Variants in AGMO observed in about 807,000 individuals in gnomAD.
AGMO encodes alkylglycerol monooxygenase.
A neutral mutation model predicts 60.2 loss-of-function variants in AGMO; 75 were observed. That is an observed-to-expected ratio of 1.25 (90% confidence interval 1.03 to 1.51). The LOEUF is 1.51. Ranked by LOEUF, AGMO falls within the 40% of genes most tolerant of loss-of-function variation. The probability of loss-of-function intolerance (pLI) is 0.00; values close to 1 mark genes in which losing one functional copy is unlikely to be tolerated. For synonymous variants in AGMO, 261 were observed against 177.1 expected, an observed-to-expected ratio of 1.47 and a Z score of -3.76; for missense variants, 763 against 525.5, an observed-to-expected ratio of 1.45 and a Z score of -4.42.
At chr7:15,444,027 A>G (rs1781634393) in intron 3 of AGMO, among the ~76,000 whole-genome samples, 1 of 152,344 alleles carries the variant, frequency 6.6e-6, no homozygotes, top group East Asian at 1.9e-4. Context: ...GACAGTATTA[A>G]CATTACTAAT....
intron 12 of AGMO, among the ~76,000 whole-genome samples, chr7:15,308,420 A>T (rs992506188): frequency 6.6e-6 from 1 of 151,960 alleles, no homozygotes; most frequent in Non-Finnish European, 1.5e-5. Context: ...CCAATGTCAG[A>T]TTTCACCTCT....
intron 5 of AGMO, among the ~76,000 whole-genome samples, chr7:15,404,882 A>T (rs1422686618): frequency 6.6e-6 from 1 of 151,864 alleles, no homozygotes; most frequent in East Asian, 1.9e-4. Flanking sequence ...ACGAATCTAC[A>T]TTTTAGCTTC....
chr7:15,430,973 T>C, intron 4 of AGMO, 32 bp downstream of exon 4: 1 of 1,168,214 alleles, frequency 8.6e-7, no homozygotes. Context: ...ACAAATTAGA[T>C]TACCATGTTT....
At chr7:15,381,076 C>A (rs895560276) in intron 10 of AGMO, among the ~76,000 whole-genome samples, 1 of 152,082 alleles carries the variant, frequency 6.6e-6, no homozygotes, top group Non-Finnish European at 1.5e-5. Flanking sequence ...TATAAAAACC[C>A]TTTAAGACAA....
At chr7:15,207,709 C>A (rs943327614) in intron 12 of AGMO, among the ~76,000 whole-genome samples, 3 of 152,100 alleles carry the variant, frequency 2.0e-5, no homozygotes, top group Non-Finnish European at 4.4e-5. Flanking sequence ...CCAAGGTGGG[C>A]AGATCACGAG....
chr7:15,491,958 A>C (rs941928313), intron 3 of AGMO, among the ~76,000 whole-genome samples: 20 of 152,222 alleles, frequency 1.3e-4, no homozygotes, highest in African/African-American at 4.6e-4. Flanking sequence ...TATTTAGACC[A>C]AAGTTAGAAA....
At chr7:15,422,434 C>A (rs1278627028) in intron 4 of AGMO, among the ~76,000 whole-genome samples, 1 of 151,572 alleles carries the variant, frequency 6.6e-6, no homozygotes, top group Non-Finnish European at 1.5e-5. Flanking sequence ...AAGGATTAGA[C>A]CAACGGAAGA....
At chr7:15,454,556 G>A (rs947849923) in intron 3 of AGMO, among the ~76,000 whole-genome samples, 2 of 151,956 alleles carry the variant, frequency 1.3e-5, no homozygotes, top group South Asian at 2.1e-4. Context: ...GATCGTCATT[G>A]TTAACATCTT....
chr7:15,408,197 A>T (rs1018845966), intron 5 of AGMO, among the ~76,000 whole-genome samples: 3 of 151,888 alleles, frequency 2.0e-5, no homozygotes, highest in African/African-American at 7.2e-5. Flanking sequence ...ATGGGATGGG[A>T]GTTGTAAACA....
chr7:15,321,847 T>A (rs1039468106), intron 12 of AGMO, among the ~76,000 whole-genome samples: 2 of 152,122 alleles, frequency 1.3e-5, no homozygotes, highest in Non-Finnish European at 2.9e-5. Context: ...GATTTTTCTA[T>A]ACTTTAACCT....
At chr7:15,332,754 TA>T (rs1781537411) in intron 12 of AGMO, among the ~76,000 whole-genome samples, 1 of 152,180 alleles carries the variant, frequency 6.6e-6, no homozygotes, top group Middle Eastern at 3.4e-3. Flanking sequence ...TTATTCAAAA[TA>T]AAAATTATTT....
intron 3 of AGMO, among the ~76,000 whole-genome samples, chr7:15,531,598 ATATATATATTCTATG>A (rs1784363365): frequency 8.8e-6 from 1 of 113,962 alleles, no homozygotes; most frequent in African/African-American, 3.4e-5. Flanking sequence ...TATATATTCT[ATATATATATTCTATG>A]TATATTCTAT....
intron 12 of AGMO, among the ~76,000 whole-genome samples, chr7:15,329,691 C>T (rs896011962): frequency 6.6e-5 from 10 of 152,118 alleles, no homozygotes; most frequent in Non-Finnish European, 1.0e-4. Context: ...TATGTTTAAT[C>T]CTCTCAAACC....
intron 5 of AGMO, among the ~76,000 whole-genome samples, chr7:15,408,488 A>T (rs1412277679): frequency 6.6e-6 from 1 of 151,856 alleles, no homozygotes; most frequent in East Asian, 1.9e-4. Flanking sequence ...GGCAAGCGGT[A>T]TTAACGAACT....
intron 12 of AGMO, among the ~76,000 whole-genome samples, chr7:15,231,383 T>C (rs1782254879): frequency 6.6e-6 from 1 of 152,212 alleles, no homozygotes; most frequent in East Asian, 1.9e-4. Flanking sequence ...GTCAATGTAT[T>C]CTTCCATGGG....
intron 4 of AGMO, among the ~76,000 whole-genome samples, chr7:15,428,400 C>T (rs537437147): frequency 1.3e-5 from 2 of 152,224 alleles, no homozygotes; most frequent in South Asian, 2.1e-4. Context: ...TCTCAATGTT[C>T]GTTGCCTTAT....
rs140026457 is a variant in AGMO, at chr7:15,380,049, C to G, written c.1074+5397G>C. ...CCATATAAGACAAACGCACAGCTAA[C>G]ATTTTACTGAATGGGCAAATGTTGG... On this transcript the variant is annotated intron_variant, in intron 10 of 12. Coordinates refer to ENST00000342526, the MANE Select transcript of AGMO (RefSeq NM_001004320.2). 1.7e-3 allele frequency among the ~76,000 whole-genome samples: 255 copies of G among 152,214 alleles called. 1 individual carries two copies. The highest frequency in any genetic ancestry group is 5.7e-3 in the African/African-American group (238 of 41,542).
At chr7:15,389,201 C>T (rs1404706574) in intron 8 of AGMO, among the ~76,000 whole-genome samples, 1 of 152,104 alleles carries the variant, frequency 6.6e-6, no homozygotes, top group Non-Finnish European at 1.5e-5. Context: ...GATCTTGGAC[C>T]AGACCACAGA....
chr7:15,441,688 T>C (rs191597639), intron 3 of AGMO, among the ~76,000 whole-genome samples: 8 of 152,140 alleles, frequency 5.3e-5, no homozygotes, highest in African/African-American at 1.4e-4. Flanking sequence ...TAAGACACAA[T>C]GAACTTCTAC....
Sources: gnomAD v4.1 joint callset for allele counts (sites outside exome capture counted in the v4.1 genomes callset) on GRCh38, gnomAD v4.1.1 for gene constraint, MANE v1.5 for transcripts, NCBI Gene and HGNC (gene_info 2026-07-23, HGNC 2026-07-21) for gene names.